NBN: variants seen among roughly 807,000 people sequenced by gnomAD.
NBN encodes Nijmegen breakage syndrome 1 (nibrin).
NBN carries 88 observed loss-of-function variants against 90.8 expected under a neutral mutation model. The ratio of observed to expected loss-of-function variants is 0.97; its 90% CI spans 0.82 to 1.16. NBN has a LOEUF of 1.16. Ranked by LOEUF, NBN falls within the 50% of genes most tolerant of loss-of-function variation. NBN has a pLI of 0.00. For synonymous variants in NBN, 328 were observed against 295.1 expected (o/e 1.11, Z -1.14); for missense variants, 894 against 869.6 (o/e 1.03, Z -0.35).
rs752837508 is a variant in NBN, at chr8:89,955,365, T to C, written c.1315A>G (p.Ile439Val). The change falls in exon 10 of 16, where the codon ATA (isoleucine) becomes GTA (valine). Residue 439 changes from isoleucine to valine, a missense_variant. Transcript: ENST00000265433. The part of the protein sequence containing the change: ...YQLSPTKLPS[I>V]NKSKDRASQQ... ...GAAGCCCTATCTTTACTTTTATTTA[T>C]ACTTGGCAATTTAGTTGGTGAAAGC... The C allele has an allele frequency of 1.4e-5, 22 of 1,613,796 alleles. No individual in the cohort carries two copies. The highest frequency in any genetic ancestry group is 2.2e-5 in the East Asian group (1 of 44,892).
intron 8 of NBN, among the ~76,000 whole-genome samples, chr8:89,960,205 A>G (rs892802317): frequency 6.6e-6 from 1 of 152,222 alleles, no homozygotes; most frequent in South Asian, 2.1e-4. Flanking sequence ...TACTAATTCT[A>G]AATTCAGATA....
intron 4 of NBN, among the ~76,000 whole-genome samples, chr8:89,980,392 A>G (rs1250272143): frequency 6.6e-6 from 1 of 152,168 alleles, no homozygotes; most frequent in Non-Finnish European, 1.5e-5. Context: ...CAAACTTTGA[A>G]GACTGGCAGT....
chr8:89,939,003 A>G (rs993207540), intron 14 of NBN, among the ~76,000 whole-genome samples: 4 of 152,230 alleles, frequency 2.6e-5, no homozygotes, highest in Non-Finnish European at 5.9e-5. Context: ...GAAATGCCTC[A>G]TATTACTGGC....
rs770500095 is a variant in NBN, at chr8:89,958,838, AGTT to A, written c.1008_1010del (p.Thr337del). The A allele has an allele frequency of 1.2e-5, 20 of 1,613,730 alleles. No individual in the cohort carries two copies. Among genetic ancestry groups the A allele is most frequent in the Admixed American group, 5.0e-5 (3 of 59,984 alleles). ...CGCCTTGTGAAAGGCTTGGTCCTGG[AGTT>A]GTTGTCTTTAATCCTGTAAATCACA... On this transcript the variant is annotated inframe_deletion, in exon 9 of 16. Coordinates refer to ENST00000265433, the MANE Select transcript of NBN (RefSeq NM_002485.5).
chr8:89,971,912 A>G (rs1182357199), intron 5 of NBN, among the ~76,000 whole-genome samples: 2 of 152,254 alleles, frequency 1.3e-5, no homozygotes, highest in Non-Finnish European at 2.9e-5. Context: ...ATATCAACAG[A>G]TAATTCTTAA....
Position 89,955,470 on chromosome 8 carries a change from T to A in NBN, c.1210A>T (p.Lys404Ter), listed in dbSNP as rs761214266. The A allele has an allele frequency of 6.2e-7, 1 of 1,613,770 alleles. No homozygotes were observed. The highest frequency in any genetic ancestry group is 1.1e-5 in the South Asian group (1 of 91,076). ...TTAGAGCTTGTTTTGCAGGACTCCT[T>A]TACAGTGGGTGCATCTTGTGAAAGC... Reference protein sequence around the residue: ...RMLSQDAPTVKESCKTSSNNN... With the variant: ...RMLSQDAPTV Residue 404 changes from lysine to a stop codon, truncating the protein, a stop_gained, in exon 10 of 16, where the codon AAG becomes TAG. Transcript: ENST00000265433. LOFTEE classifies it high-confidence loss of function.
chr8:89,952,984 CTTTTA>C (rs1382882206), intron 11 of NBN, among the ~76,000 whole-genome samples: 1 of 152,066 alleles, frequency 6.6e-6, no homozygotes. Context: ...AGCCAAATGT[CTTTTA>C]TAATAGTACA....
In NBN at chr8:89,978,342, G is replaced by A. The variant is rs1563574425; in HGVS notation, c.481-19C>T. ...ATATTGTCTACAATGAAGAAAACAT[G>A]TGAATATATATATTCACATGCTAGC... On this transcript the variant is annotated intron_variant, in intron 4 of 15. Coordinates refer to ENST00000265433, the MANE Select transcript of NBN (RefSeq NM_002485.5). 2.5e-6 allele frequency: 4 copies of A among 1,575,142 alleles called. No individual in the cohort carries two copies. The highest frequency in any genetic ancestry group is 3.3e-5 in the Admixed American group (2 of 59,906).
intron 10 of NBN, among the ~76,000 whole-genome samples, chr8:89,954,405 G>A (rs1187260528): frequency 6.6e-6 from 1 of 151,992 alleles, no homozygotes; most frequent in African/African-American, 2.4e-5. Context: ...TAATTTAGGT[G>A]GTCAGAGTTT....
chr8:89,943,120 C>A, intron 14 of NBN, 133 bp downstream of exon 14: 2 of 828,002 alleles, frequency 2.4e-6, no homozygotes, highest in East Asian at 2.8e-5. Context: ...TGCTCTGTAA[C>A]TCAGGAATGC....
At chr8:89,946,336 A>G in intron 12 of NBN, 41 bp from the exon 13 acceptor site, 3 of 1,519,210 alleles carry the variant, frequency 2.0e-6, no homozygotes, top group African/African-American at 1.4e-5. Context: ...AAGAGAAGAA[A>G]TAACAAAGAA....
At position 89,980,820 on chromosome 8, in the gene NBN, T is replaced by C. The variant is rs756946899; in HGVS notation, c.394A>G (p.Ile132Val). ...ACAGTAAATCCTCCAAGTTGCAATA[T>C]AGCTTGATTTAAAGCAGTTTTCCCA... ...VSGKTALNQA[I>V]LQLGGFTVNN... The change falls in exon 4 of 16, where the codon ATA becomes GTA. Residue 132 changes from isoleucine (I) to valine (V), a missense_variant. Ile to Val is a conservative substitution (Grantham distance 29). Transcript: ENST00000265433. The C allele has an allele frequency of 5.6e-6, 9 of 1,612,584 alleles. No individual in the cohort carries two copies. Among genetic ancestry groups the C allele is most frequent in the African/African-American group, 4.0e-5 (3 of 74,890 alleles).
intron 14 of NBN, among the ~76,000 whole-genome samples, chr8:89,942,996 C>T (rs1038249233): frequency 6.6e-6 from 1 of 151,358 alleles, no homozygotes; most frequent in African/African-American, 2.4e-5. Context: ...CTTTTATCTC[C>T]CCCTTTTCAT....
intron 5 of NBN, among the ~76,000 whole-genome samples, chr8:89,974,633 A>G (rs1811670268): frequency 6.6e-6 from 1 of 152,150 alleles, no homozygotes; most frequent in South Asian, 2.1e-4. Flanking sequence ...CGTAGAGGGT[A>G]CATACAGTGA....
intron 12 of NBN, among the ~76,000 whole-genome samples, chr8:89,947,201 A>G (rs1810230440): frequency 6.6e-6 from 1 of 152,124 alleles, no homozygotes; most frequent in African/African-American, 2.4e-5. Context: ...AAAAGCATCA[A>G]CCTCATTTTA....
chr8:89,969,487 A>C (rs1406366580), intron 7 of NBN, among the ~76,000 whole-genome samples: 3 of 152,262 alleles, frequency 2.0e-5, no homozygotes, highest in Non-Finnish European at 4.4e-5. Context: ...TCTGTAAAAA[A>C]ACTTAACACT....
At chr8:89,964,655 C>T in intron 7 of NBN, 148 bp from the exon 8 acceptor site, 6 of 732,128 alleles carry the variant, frequency 8.2e-6, no homozygotes, top group Non-Finnish European at 8.8e-6. Flanking sequence ...ACTATAATAG[C>T]TTACTCGCTG....
In NBN at chr8:89,982,700, T is replaced by G. The variant is rs533996230; in HGVS notation, c.171+22A>C. On this transcript the variant is annotated intron_variant, in intron 2 of 15. Transcript: ENST00000265433. Reference sequence around the variant, plus strand: ...TTTCAACCCCCTTACTGGAAACTAGTGAAATAAAATTAGTAACATACCAGG... The same window carrying G: ...TTTCAACCCCCTTACTGGAAACTAGGGAAATAAAATTAGTAACATACCAGG... 73 of 1,602,228 alleles carry G rather than the reference T, an allele frequency of 4.6e-5. 2 individuals are homozygous for G. In the South Asian group the frequency reaches 7.7e-4, roughly 17 times the overall value.
Position 89,943,337 on chromosome 8 carries a change from T to A in NBN, c.2100A>T (p.Pro700=). ...KVTYPGAGKL[P]HIIGGSDLIA... is the part of the protein sequence containing the mutation. ...TTAGATCTGATCCTCCAATGATGTG[T>A]GGAAGTTTTCCTGCTCCAGGATATG... Residue 700 remains proline, a synonymous_variant, in exon 14 of 16, where the codon CCA becomes CCT. Transcript: ENST00000265433. 6.2e-7 allele frequency: 1 copy of A among 1,609,902 alleles called. No individual in the cohort carries two copies. Among genetic ancestry groups the A allele is most frequent in the Non-Finnish European group, 8.5e-7 (1 of 1,176,222 alleles).
Sources: allele counts gnomAD v4.1 joint callset (sites outside exome capture counted in the v4.1 genomes callset), GRCh38; gene constraint gnomAD v4.1.1; transcripts MANE v1.5; gene names NCBI Gene and HGNC (gene_info 2026-07-23, HGNC 2026-07-21).